RALY: variants seen among roughly 807,000 people sequenced by gnomAD.
RALY encodes RALY heterogeneous nuclear ribonucleoprotein, also known as RNA-binding protein Raly.
Under a neutral mutation model 30.7 loss-of-function variants are expected in RALY, and 15 were observed. The observed-to-expected ratio is 0.49, with a 90% CI of 0.33 to 0.75. The LOEUF (loss-of-function observed/expected upper bound fraction) is 0.75. Ranked by LOEUF, RALY falls within the 30% of genes least tolerant of loss-of-function variation. The probability of loss-of-function intolerance (pLI) is 0.02; values close to 1 mark genes in which losing one functional copy is unlikely to be tolerated. For synonymous variants in RALY, 177 were observed against 170.8 expected, an observed-to-expected ratio of 1.04 and a Z score of -0.28; for missense variants, 339 against 414.3, an observed-to-expected ratio of 0.82 and a Z score of 1.58.
chr20:34,023,969 GGC>G (rs1202975876), intron 1 of RALY, among the ~76,000 whole-genome samples: 3 of 152,192 alleles, frequency 2.0e-5, no homozygotes, highest in Non-Finnish European at 4.4e-5. Flanking sequence ...GGGAGTCCAA[GGC>G]GGGCGGATCA....
In RALY at chr20:34,075,956, T is replaced by C; in HGVS notation, c.460T>C (p.Leu154=). ...GAAGCGACCCCGGGTCACAGTCCCTTTGGTCCGGCGTGTCAAAACTAACGT... is the reference window on the plus strand; with the variant it reads ...GAAGCGACCCCGGGTCACAGTCCCTCTGGTCCGGCGTGTCAAAACTAACGT... ...PVKRPRVTVP[L]VRRVKTNVPV... is the part of the protein sequence containing the mutation. Residue 154 remains leucine, a synonymous_variant, in exon 6 of 10, where the codon TTG becomes CTG. Transcript: ENST00000246194. 3 of 1,614,220 alleles carry C rather than the reference T, an allele frequency of 1.9e-6. No homozygotes were observed. Among genetic ancestry groups the C allele is most frequent in the Non-Finnish European group, 2.5e-6 (3 of 1,180,038 alleles).
At chr20:34,070,494 C>T (rs2033696613) in intron 2 of RALY, among the ~76,000 whole-genome samples, 1 of 152,056 alleles carries the variant, frequency 6.6e-6, no homozygotes, top group Non-Finnish European at 1.5e-5. Flanking sequence ...CTAAGCCAAA[C>T]AGAACAAAAT....
intron 2 of RALY, among the ~76,000 whole-genome samples, chr20:34,068,814 CTCA>C (rs2033648506): frequency 6.6e-6 from 1 of 152,154 alleles, no homozygotes; most frequent in Non-Finnish European, 1.5e-5. Flanking sequence ...TTAGAGGAGC[CTCA>C]TCAACATGTG....
chr20:34,021,196 A>C (rs1304560220), intron 1 of RALY, among the ~76,000 whole-genome samples: 1 of 152,126 alleles, frequency 6.6e-6, no homozygotes, highest in Non-Finnish European at 1.5e-5. Context: ...TCCTGACCTC[A>C]AGTGATCTAC....
rs2034031362 is a variant in RALY at position 34,081,606 on chromosome 20, C to T, written c.*1701C>T. On this transcript the variant is annotated 3_prime_UTR_variant, in exon 10 of 10. Coordinates refer to ENST00000246194, the MANE Select transcript of RALY (RefSeq NM_016732.3). ...TCTACAGCCTCCAGGGAAGCTTCCTCCTGGGCTTTGGCTCCATGTTTTGGT... is the reference window on the plus strand; with the variant it reads ...TCTACAGCCTCCAGGGAAGCTTCCTTCTGGGCTTTGGCTCCATGTTTTGGT... The T allele has an allele frequency of 6.6e-6, 1 of 152,268 alleles. No individual in the cohort carries two copies. Among genetic ancestry groups the T allele is most frequent in the African/African-American group, 2.4e-5 (1 of 41,456 alleles). The allele number at this position is 152,268 out of a possible 1,614,324, so 9.4% of individuals were successfully genotyped here. A position where few individuals can be genotyped will look rare whatever the true frequency, so the allele number is the denominator to read the frequency against.
At chr20:34,013,413 CAAAAAAAAAA>C (rs34859292) in intron 1 of RALY, among the ~76,000 whole-genome samples, 7 of 84,798 alleles carry the variant, frequency 8.3e-5, no homozygotes, top group Non-Finnish European at 1.3e-4. Flanking sequence ...GACCTTGTCT[CAAAAAAAAAA>C]AAAAAAAAAA....
chr20:34,012,546 T>C (rs1371113417), intron 1 of RALY, among the ~76,000 whole-genome samples: 1 of 152,206 alleles, frequency 6.6e-6, no homozygotes, highest in African/African-American at 2.4e-5. Flanking sequence ...TTTGTTTTTT[T>C]CCTCACTGTT....
At chr20:34,045,083 ATTT>A (rs1201065925) in intron 2 of RALY, among the ~76,000 whole-genome samples, 1 of 151,288 alleles carries the variant, frequency 6.6e-6, no homozygotes, top group Non-Finnish European at 1.5e-5. Flanking sequence ...CTAATTAAAA[ATTT>A]TTTTTTGTAG....
intron 2 of RALY, among the ~76,000 whole-genome samples, chr20:34,061,506 A>T (rs2033415925): frequency 6.6e-6 from 1 of 152,236 alleles, no homozygotes; most frequent in South Asian, 2.1e-4. Flanking sequence ...AGTGAAGTTT[A>T]AAAAGCAAAA....
In RALY at chr20:34,078,522, A is replaced by T. The variant is rs752293145; in HGVS notation, c.894A>T (p.Thr298=). The T allele has an allele frequency of 5.0e-6, 8 of 1,588,028 alleles. No individual in the cohort carries two copies. The highest frequency in any genetic ancestry group is 6.9e-6 in the Non-Finnish European group (8 of 1,167,082). ...SEEELEHSQD[T]DADDGALQ ...CCTATCAGGAACACAGCCAGGACAC[A>T]GACGCGGATGATGGGGCCTTGCAGT... Residue 298 remains threonine, a synonymous_variant, in exon 9 of 10, where the codon ACA becomes ACT. Transcript: ENST00000246194.
chr20:34,006,198 C>T (rs1442655802), intron 1 of RALY, among the ~76,000 whole-genome samples: 1 of 152,032 alleles, frequency 6.6e-6, no homozygotes, highest in Non-Finnish European at 1.5e-5. Context: ...TATGATTTAC[C>T]CATCACTTGG....
intron 2 of RALY, among the ~76,000 whole-genome samples, chr20:34,057,559 C>G (rs2033285648): frequency 6.7e-6 from 1 of 150,348 alleles, no homozygotes; most frequent in Non-Finnish European, 1.5e-5. Flanking sequence ...CCCAGCTACT[C>G]TGGAGGCTGA....
intron 2 of RALY, among the ~76,000 whole-genome samples, chr20:34,034,071 G>A (rs552244381): frequency 5.9e-5 from 9 of 152,268 alleles, no homozygotes; most frequent in East Asian, 1.9e-4. Context: ...ATCCCAACAG[G>A]AGTCAGCACT....
intron 1 of RALY, among the ~76,000 whole-genome samples, chr20:34,031,211 A>ATT (rs11297874): frequency 4.1e-4 from 45 of 110,848 alleles, no homozygotes; most frequent in South Asian, 1.0e-3. Flanking sequence ...TGCCTGGCTA[A>ATT]TTTTTTTTTT....
chr20:34,025,065 T>A (rs2031968037), intron 1 of RALY, among the ~76,000 whole-genome samples: 1 of 152,204 alleles, frequency 6.6e-6, no homozygotes, highest in Non-Finnish European at 1.5e-5. Flanking sequence ...TGTGCCAGTC[T>A]TTTACTCCCT....
chr20:34,051,616 GAC>G (rs1234669053), intron 2 of RALY, among the ~76,000 whole-genome samples: 1 of 152,020 alleles, frequency 6.6e-6, no homozygotes, highest in East Asian at 1.9e-4. Flanking sequence ...TTGTTTTTGA[GAC>G]AGAGTCTCGC....
At chr20:34,018,903 TG>T (rs1238701053) in intron 1 of RALY, among the ~76,000 whole-genome samples, 3 of 152,166 alleles carry the variant, frequency 2.0e-5, no homozygotes, top group African/African-American at 7.2e-5. Flanking sequence ...TCACCTGCCT[TG>T]GGGAACCAAG....
At chr20:34,074,737 C>A (rs1490043302) in intron 5 of RALY, among the ~76,000 whole-genome samples, 1 of 152,222 alleles carries the variant, frequency 6.6e-6, no homozygotes, top group Non-Finnish European at 1.5e-5. Context: ...CAGGCTCCTC[C>A]AGCTCTGGGA....
chr20:34,053,477 A>G (rs1382919579), intron 2 of RALY, among the ~76,000 whole-genome samples: 1 of 131,626 alleles, frequency 7.6e-6, no homozygotes, highest in African/African-American at 2.9e-5. Context: ...GGCTCACTGC[A>G]GGTCCAACCT....
Sources: allele counts gnomAD v4.1 joint callset (sites outside exome capture counted in the v4.1 genomes callset), GRCh38; gene constraint gnomAD v4.1.1; transcripts MANE v1.5; gene names NCBI Gene and HGNC (gene_info 2026-07-23, HGNC 2026-07-21).